Variants in LINGO2 observed in about 807,000 individuals in gnomAD.
LINGO2 encodes leucine rich repeat and Ig domain containing 2.
A neutral mutation model predicts 30.6 loss-of-function variants in LINGO2; 14 were observed. The observed-to-expected ratio is 0.46, with a 90% CI of 0.30 to 0.72. LINGO2 has a LOEUF of 0.72. Ranked by LOEUF, LINGO2 falls within the 30% of genes least tolerant of loss-of-function variation. The probability of loss-of-function intolerance (pLI) is 0.07; values close to 1 mark genes in which losing one functional copy is unlikely to be tolerated. For synonymous variants in LINGO2, 317 were observed against 288.5 expected (o/e 1.10, Z -1.00); for missense variants, 729 against 751.7 (o/e 0.97, Z 0.35).
intron 1 of LINGO2, among the ~76,000 whole-genome samples, chr9:28,641,473 C>T (rs980031890): frequency 2.0e-5 from 3 of 152,142 alleles, no homozygotes; most frequent in Admixed American, 6.5e-5. Flanking sequence ...TGAAAGGAAA[C>T]ATTCACATAG....
the LINGO2 span, among the ~76,000 whole-genome samples, chr9:28,763,872 G>A: frequency 5.9e-5 from 9 of 151,542 alleles, no homozygotes; most frequent in Admixed American, 5.9e-4. Flanking sequence ...AAATAAAAAG[G>A]ATCATAAGAG....
At chr9:29,161,782 C>T in the LINGO2 span, among the ~76,000 whole-genome samples, 1 of 152,086 alleles carries the variant, frequency 6.6e-6, no homozygotes, top group East Asian at 1.9e-4. Context: ...TGTAACAAGC[C>T]ACTATATAGT....
At chr9:28,990,560 G>T in the LINGO2 span, among the ~76,000 whole-genome samples, 1 of 152,178 alleles carries the variant, frequency 6.6e-6, no homozygotes, top group Admixed American at 6.5e-5. Flanking sequence ...TTTTCAAGTG[G>T]CTCCCTGACC....
At chr9:28,943,885 G>C in the LINGO2 span, among the ~76,000 whole-genome samples, 1 of 152,112 alleles carries the variant, frequency 6.6e-6, no homozygotes, top group Non-Finnish European at 1.5e-5. Context: ...GAATCTTGTC[G>C]AGCTAAGATT....
chr9:28,008,919 A>C (rs1218424912), intron 5 of LINGO2, among the ~76,000 whole-genome samples: 1 of 152,172 alleles, frequency 6.6e-6, no homozygotes, highest in Non-Finnish European at 1.5e-5. Context: ...AAGCTGATTT[A>C]AATTTCATAA....
At chr9:28,868,801 A>G in the LINGO2 span, among the ~76,000 whole-genome samples, 1 of 152,232 alleles carries the variant, frequency 6.6e-6, no homozygotes, top group Middle Eastern at 3.4e-3. Context: ...CAAAGATTAA[A>G]TTTTGCAACT....
intron 4 of LINGO2, among the ~76,000 whole-genome samples, chr9:28,021,338 C>A (rs983910746): frequency 6.6e-6 from 1 of 152,150 alleles, no homozygotes; most frequent in Admixed American, 6.5e-5. Flanking sequence ...TTGATTTCTA[C>A]TTTAATCCCA....
the LINGO2 span, among the ~76,000 whole-genome samples, chr9:29,050,033 A>AT: frequency 1.2e-3 from 172 of 148,686 alleles, 3 homozygotes; most frequent in Admixed American, 1.3e-3. Flanking sequence ...TGCTTATTAC[A>AT]TTTTTTTTTT....
At chr9:28,439,615 C>T (rs768267343) in intron 2 of LINGO2, among the ~76,000 whole-genome samples, 3 of 152,136 alleles carry the variant, frequency 2.0e-5, no homozygotes, top group Non-Finnish European at 4.4e-5. Flanking sequence ...CCCCTTCACT[C>T]TCTCATCCTC....
At chr9:28,506,499 C>G (rs371940183) in intron 1 of LINGO2, among the ~76,000 whole-genome samples, 53,649 of 81,592 alleles carry the variant, frequency 0.66, 18,946 homozygotes, top group South Asian at 0.74. Context: ...CACACACACA[C>G]ACAGACATAT....
intron 3 of LINGO2, among the ~76,000 whole-genome samples, chr9:28,354,289 C>A (rs192219785): frequency 6.6e-6 from 1 of 152,152 alleles, no homozygotes; most frequent in African/African-American, 2.4e-5. Flanking sequence ...TACTATGTTG[C>A]GGTTCATTAT....
chr9:28,776,272 T>G, the LINGO2 span, among the ~76,000 whole-genome samples: 1 of 146,804 alleles, frequency 6.8e-6, no homozygotes, highest in Non-Finnish European at 1.5e-5. Flanking sequence ...ATCACAATTT[T>G]TTTCTCTCTT....
At chr9:28,159,635 AT>A (rs1828231050) in intron 4 of LINGO2, among the ~76,000 whole-genome samples, 1 of 2,480 alleles carries the variant, frequency 4.0e-4, no homozygotes, top group Admixed American at 6.7e-3. Context: ...CTGAATAGTT[AT>A]GAAAAAAAAA....
At chr9:28,658,724 GTTTGT>G (rs1315613412) in intron 1 of LINGO2, among the ~76,000 whole-genome samples, 1 of 151,992 alleles carries the variant, frequency 6.6e-6, no homozygotes, top group African/African-American at 2.4e-5. Context: ...GTCCACAAGT[GTTTGT>G]TTTGTTTTGT....
chr9:28,114,102 C>T (rs10968350), intron 4 of LINGO2, among the ~76,000 whole-genome samples: 42,062 of 43,738 alleles, frequency 0.96, 20,621 homozygotes, highest in Middle Eastern at 1. Flanking sequence ...ACCTAATTTA[C>T]TGACAGTTTT....
chr9:28,304,057 A>C (rs1824248973), intron 3 of LINGO2, among the ~76,000 whole-genome samples: 2 of 152,070 alleles, frequency 1.3e-5, no homozygotes, highest in Admixed American at 1.3e-4. Flanking sequence ...GTTTCCCTGC[A>C]ATATGATCTA....
At chr9:28,730,639 A>T in the LINGO2 span, among the ~76,000 whole-genome samples, 1 of 152,164 alleles carries the variant, frequency 6.6e-6, no homozygotes, top group African/African-American at 2.4e-5. Context: ...TGGGCAAAAT[A>T]CATGAACAGA....
At chr9:28,009,648 C>T (rs764608148) in intron 5 of LINGO2, among the ~76,000 whole-genome samples, 3 of 151,986 alleles carry the variant, frequency 2.0e-5, no homozygotes, top group African/African-American at 4.8e-5. Flanking sequence ...AAAGACAAAT[C>T]GAAGCCACAA....
At chr9:28,224,109 G>A (rs1346656833) in intron 4 of LINGO2, among the ~76,000 whole-genome samples, 1 of 152,128 alleles carries the variant, frequency 6.6e-6, no homozygotes, top group African/African-American at 2.4e-5. Flanking sequence ...CTGTAGCCCA[G>A]GCTGGAGTGC....
Sources: gnomAD v4.1 joint callset for allele counts (sites outside exome capture counted in the v4.1 genomes callset) on GRCh38, gnomAD v4.1.1 for gene constraint, MANE v1.5 for transcripts, NCBI Gene and HGNC (gene_info 2026-07-23, HGNC 2026-07-21) for gene names.